ABLIM1: variants seen among roughly 807,000 people sequenced by gnomAD.
ABLIM1 encodes the protein actin binding LIM protein 1, also known as actin-binding LIM protein 1.
Under a neutral mutation model 107.0 loss-of-function variants are expected in ABLIM1, and 40 were observed. That is an observed-to-expected ratio of 0.37 (90% CI 0.29 to 0.49). The LOEUF is 0.49. ABLIM1 is among the 20% of genes least tolerant of loss of function. The pLI is 0.97. For synonymous variants in ABLIM1, 357 were observed against 357.3 expected (o/e 1.00, Z 0.01); for missense variants, 857 against 1,008.5 (o/e 0.85, Z 2.04).
chr10:114,701,146 C>G (rs1280488948), intron 1 of ABLIM1, among the ~76,000 whole-genome samples: 1 of 152,104 alleles, frequency 6.6e-6, no homozygotes, highest in African/African-American at 2.4e-5. Flanking sequence ...ATAGATACTT[C>G]ACAAGGTTAG....
At chr10:114,563,769 C>A (rs1416946944) in intron 4 of ABLIM1, among the ~76,000 whole-genome samples, 1 of 149,064 alleles carries the variant, frequency 6.7e-6, no homozygotes, top group Admixed American at 6.8e-5. Context: ...TCACTTGAAC[C>A]TGGCAGGCGG....
chr10:114,510,582 A>C (rs950402316), intron 6 of ABLIM1, among the ~76,000 whole-genome samples: 1 of 151,982 alleles, frequency 6.6e-6, no homozygotes, highest in Non-Finnish European at 1.5e-5. Flanking sequence ...AGTCTATTTC[A>C]TATAACAAAA....
the ABLIM1 span, among the ~76,000 whole-genome samples, chr10:114,787,095 T>A: frequency 6.7e-6 from 1 of 149,638 alleles, no homozygotes; most frequent in Admixed American, 6.6e-5. Context: ...GTGAGGAGCG[T>A]CTCTGCCCGG....
chr10:114,560,696 T>C (rs937789120), intron 4 of ABLIM1, among the ~76,000 whole-genome samples: 2 of 152,174 alleles, frequency 1.3e-5, no homozygotes, highest in Admixed American at 6.5e-5. Flanking sequence ...ATCCCTGTTG[T>C]TGAGCAACAC....
At chr10:114,517,866 A>T (rs2063124110) in intron 6 of ABLIM1, among the ~76,000 whole-genome samples, 1 of 152,204 alleles carries the variant, frequency 6.6e-6, no homozygotes, top group African/African-American at 2.4e-5. Context: ...GTAACGCTGC[A>T]CGGGCTGACA....
At chr10:114,592,321 A>G (rs1360466224) in intron 2 of ABLIM1, among the ~76,000 whole-genome samples, 2 of 152,202 alleles carry the variant, frequency 1.3e-5, no homozygotes, top group East Asian at 3.8e-4. Context: ...AGAAATAGTA[A>G]GTGCAAAGGT....
the ABLIM1 span, among the ~76,000 whole-genome samples, chr10:114,774,991 T>C: frequency 6.6e-6 from 1 of 152,108 alleles, no homozygotes; most frequent in East Asian, 1.9e-4. Context: ...TGAGTCTGGG[T>C]AGTTTATAAA....
chr10:114,554,632 G>T (rs2068495467), intron 4 of ABLIM1, among the ~76,000 whole-genome samples: 1 of 152,146 alleles, frequency 6.6e-6, no homozygotes. Context: ...GGAGCTCAAG[G>T]CTGTAGTGAG....
chr10:114,759,963 G>A (rs959489167), intron 1 of ABLIM1, among the ~76,000 whole-genome samples: 6 of 152,092 alleles, frequency 3.9e-5, no homozygotes, highest in Non-Finnish European at 7.4e-5. Flanking sequence ...CATAAATGTC[G>A]ATCAGCCCAT....
intron 1 of ABLIM1, among the ~76,000 whole-genome samples, chr10:114,695,750 T>C (rs1034140681): frequency 6.6e-6 from 1 of 152,218 alleles, no homozygotes; most frequent in Non-Finnish European, 1.5e-5. Flanking sequence ...GGCATTTTAT[T>C]TCTGTTGGAA....
chr10:114,718,142 G>GA (rs371409966), intron 1 of ABLIM1, among the ~76,000 whole-genome samples: 15 of 62,250 alleles, frequency 2.4e-4, no homozygotes, highest in Non-Finnish European at 5.9e-4. Flanking sequence ...AAGAAAGAAA[G>GA]AAAGAGAAAA....
At chr10:114,752,661 GCTC>G (rs1415510402) in intron 1 of ABLIM1, among the ~76,000 whole-genome samples, 1 of 152,116 alleles carries the variant, frequency 6.6e-6, no homozygotes, top group Non-Finnish European at 1.5e-5. Context: ...TCATTGTTCA[GCTC>G]CCACTTGTAA....
At chr10:114,493,993 C>T (rs1487587249) in intron 6 of ABLIM1, among the ~76,000 whole-genome samples, 2 of 152,090 alleles carry the variant, frequency 1.3e-5, no homozygotes, top group Non-Finnish European at 2.9e-5. Context: ...TTTTCCCTTC[C>T]TGTCATAAAA....
intron 1 of ABLIM1, among the ~76,000 whole-genome samples, chr10:114,694,044 A>C (rs1225483830): frequency 6.6e-6 from 1 of 152,242 alleles, no homozygotes; most frequent in Non-Finnish European, 1.5e-5. Context: ...AAGATGAAAA[A>C]TAAAAATATT....
At chr10:114,746,737 A>G (rs913312685) in intron 1 of ABLIM1, among the ~76,000 whole-genome samples, 12 of 152,304 alleles carry the variant, frequency 7.9e-5, no homozygotes, top group Admixed American at 5.9e-4. Flanking sequence ...TGTCTTTTTG[A>G]TAACAGCTAT....
At chr10:114,497,614 G>A (rs181548514) in intron 6 of ABLIM1, among the ~76,000 whole-genome samples, 544 of 146,100 alleles carry the variant, frequency 3.7e-3, no homozygotes, top group Non-Finnish European at 6.2e-3. Flanking sequence ...CCCGGGAGGC[G>A]GAGCTTGCAG....
At chr10:114,786,671 A>T in the ABLIM1 span, among the ~76,000 whole-genome samples, 1 of 152,234 alleles carries the variant, frequency 6.6e-6, no homozygotes, top group Non-Finnish European at 1.5e-5. Flanking sequence ...ACCATGTATC[A>T]TCATCAGGCA....
intron 1 of ABLIM1, among the ~76,000 whole-genome samples, chr10:114,761,922 T>C (rs17092411): frequency 0.035 from 5,372 of 152,064 alleles, 313 homozygotes; most frequent in African/African-American, 0.12. Context: ...ATGGTTGTCA[T>C]GCCCACAGCT....
chr10:114,722,223 TG>T (rs1194275429), intron 1 of ABLIM1, among the ~76,000 whole-genome samples: 2 of 152,298 alleles, frequency 1.3e-5, no homozygotes, highest in African/African-American at 4.8e-5. Flanking sequence ...GAAGCATGGC[TG>T]GGGAGGCCTC....
Sources: allele counts gnomAD v4.1 joint callset (sites outside exome capture counted in the v4.1 genomes callset), GRCh38; gene constraint gnomAD v4.1.1; transcripts MANE v1.5; gene names NCBI Gene and HGNC (gene_info 2026-07-23, HGNC 2026-07-21).